SNTB1: variants seen among roughly 807,000 people sequenced by gnomAD.
SNTB1 encodes syntrophin beta 1, also known as beta-1-syntrophin.
Under a neutral mutation model 48.9 loss-of-function variants are expected in SNTB1, and 36 were observed. The observed-to-expected ratio is 0.74, with a 90% CI of 0.56 to 0.97. SNTB1 has a LOEUF of 0.97. Among genes scored for constraint, SNTB1 ranks in the 50% least tolerant of loss-of-function variants. The pLI, the probability that SNTB1 is intolerant of heterozygous loss-of-function variation, is 0.00. For synonymous variants in SNTB1, 299 were observed against 294.6 expected, an observed-to-expected ratio of 1.01 and a Z score of -0.15; for missense variants, 786 against 703.4, an observed-to-expected ratio of 1.12 and a Z score of -1.33.
intron 2 of SNTB1, among the ~76,000 whole-genome samples, chr8:120,643,726 G>A (rs1261764222): frequency 6.6e-6 from 1 of 152,166 alleles, no homozygotes; most frequent in Non-Finnish European, 1.5e-5. Flanking sequence ...CTATAAACAT[G>A]AATGTGAAAG....
At chr8:120,665,734 T>C (rs1366222217) in intron 2 of SNTB1, among the ~76,000 whole-genome samples, 3 of 152,220 alleles carry the variant, frequency 2.0e-5, no homozygotes, top group Non-Finnish European at 4.4e-5. Context: ...TTTGAAGGAA[T>C]TTTTGTATAC....
intron 3 of SNTB1, among the ~76,000 whole-genome samples, chr8:120,580,983 A>G (rs1816038544): frequency 6.6e-6 from 1 of 151,378 alleles, no homozygotes; most frequent in Admixed American, 6.6e-5. Context: ...CAGCTACTTG[A>G]GAGGCTGAGG....
At chr8:120,767,567 T>C (rs1228438103) in intron 1 of SNTB1, among the ~76,000 whole-genome samples, 1 of 152,204 alleles carries the variant, frequency 6.6e-6, no homozygotes, top group African/African-American at 2.4e-5. Context: ...GAACATAGGC[T>C]CTACAGCCAG....
intron 1 of SNTB1, among the ~76,000 whole-genome samples, chr8:120,705,483 A>G (rs929747774): frequency 6.6e-6 from 1 of 152,224 alleles, no homozygotes; most frequent in Non-Finnish European, 1.5e-5. Flanking sequence ...TGATCAGTGA[A>G]TACAATCAAC....
chr8:120,752,145 C>T (rs1819228826), intron 1 of SNTB1, among the ~76,000 whole-genome samples: 2 of 152,050 alleles, frequency 1.3e-5, no homozygotes, highest in South Asian at 4.2e-4. Flanking sequence ...AAGAGAAGGG[C>T]AGGTGTATGT....
chr8:120,764,343 G>T (rs1173809607), intron 1 of SNTB1, among the ~76,000 whole-genome samples: 1 of 152,148 alleles, frequency 6.6e-6, no homozygotes, highest in African/African-American at 2.4e-5. Context: ...GTGCAGAGAA[G>T]TATGTCTGAT....
At chr8:120,726,921 G>A (rs1818765452) in intron 1 of SNTB1, among the ~76,000 whole-genome samples, 2 of 152,176 alleles carry the variant, frequency 1.3e-5, no homozygotes, top group African/African-American at 2.4e-5. Flanking sequence ...AATCTGCAGT[G>A]CTCCTCTTCA....
At chr8:120,594,051 G>A (rs528733573) in intron 3 of SNTB1, among the ~76,000 whole-genome samples, 1 of 143,348 alleles carries the variant, frequency 7.0e-6, no homozygotes, top group South Asian at 2.3e-4. Context: ...CTCAGTACAT[G>A]TCTTTATTTA....
In SNTB1 at chr8:120,803,370, T is replaced by A. The variant is rs867451973; in HGVS notation, c.571+7903A>T. Among the ~76,000 whole-genome samples the A allele has an allele frequency of 3.3e-4, 51 of 152,276 alleles. No individual in the cohort carries two copies. In the Middle Eastern group the frequency reaches 0.02, roughly 61 times the overall value. ...ATATATTTTTGTCTTAAGTCTTAACTCTGCAGGCCAGAGCTAAAGGCAAGC... is the reference window on the plus strand; with the variant it reads ...ATATATTTTTGTCTTAAGTCTTAACACTGCAGGCCAGAGCTAAAGGCAAGC... On this transcript the variant is annotated intron_variant, in intron 1 of 6. Transcript: ENST00000517992.
intron 2 of SNTB1, among the ~76,000 whole-genome samples, chr8:120,648,450 T>C (rs1245297495): frequency 6.6e-6 from 1 of 151,362 alleles, no homozygotes; most frequent in Non-Finnish European, 1.5e-5. Context: ...GGATATGAAA[T>C]TCTGGGTTGA....
chr8:120,670,168 T>A (rs1032416326), intron 2 of SNTB1, among the ~76,000 whole-genome samples: 1 of 152,198 alleles, frequency 6.6e-6, no homozygotes, highest in Non-Finnish European at 1.5e-5. Flanking sequence ...TGCTTCAGCA[T>A]GGATAACAAG....
At chr8:120,543,571 T>C (rs1815327754) in intron 5 of SNTB1, among the ~76,000 whole-genome samples, 3 of 152,138 alleles carry the variant, frequency 2.0e-5, no homozygotes, top group Non-Finnish European at 4.4e-5. Context: ...CTGTCCTGTG[T>C]CCCTTCTCAT....
At chr8:120,721,488 C>T (rs1312422138) in intron 1 of SNTB1, among the ~76,000 whole-genome samples, 1 of 152,192 alleles carries the variant, frequency 6.6e-6, no homozygotes, top group African/African-American at 2.4e-5. Context: ...CATAAAACTT[C>T]AACTGTTATC....
intron 1 of SNTB1, among the ~76,000 whole-genome samples, chr8:120,789,909 C>T (rs1307171675): frequency 6.6e-6 from 1 of 151,698 alleles, no homozygotes; most frequent in African/African-American, 2.4e-5. Flanking sequence ...ACCCTGATAC[C>T]AAAACCAGGA....
intron 1 of SNTB1, among the ~76,000 whole-genome samples, chr8:120,810,550 A>G (rs965631761): frequency 3.5e-4 from 53 of 152,152 alleles, no homozygotes; most frequent in African/African-American, 1.2e-3. Flanking sequence ...CAGAAAAATC[A>G]CTTCACCAGC....
chr8:120,613,706 T>G (rs539576061), intron 3 of SNTB1, among the ~76,000 whole-genome samples: 1 of 152,364 alleles, frequency 6.6e-6, no homozygotes, highest in South Asian at 2.1e-4. Flanking sequence ...GGATAAAATG[T>G]AGAATTACCA....
chr8:120,659,675 T>A (rs1325791663), intron 2 of SNTB1, among the ~76,000 whole-genome samples: 1 of 152,236 alleles, frequency 6.6e-6, no homozygotes, highest in Admixed American at 6.5e-5. Flanking sequence ...TTACTATCTA[T>A]GGCAGCTATA....
At chr8:120,685,757 C>A (rs939904327) in intron 2 of SNTB1, among the ~76,000 whole-genome samples, 2 of 152,174 alleles carry the variant, frequency 1.3e-5, no homozygotes, top group Non-Finnish European at 2.9e-5. Flanking sequence ...TGTTGCATCT[C>A]TTTTGATTAT....
chr8:120,547,166 G>A (rs911471418), intron 5 of SNTB1, among the ~76,000 whole-genome samples: 7 of 152,276 alleles, frequency 4.6e-5, no homozygotes, highest in Non-Finnish European at 1.0e-4. Flanking sequence ...CACACATGGG[G>A]TACACACACA....
Sources: gnomAD v4.1 joint callset for allele counts (sites outside exome capture counted in the v4.1 genomes callset) on GRCh38, gnomAD v4.1.1 for gene constraint, MANE v1.5 for transcripts, NCBI Gene and HGNC (gene_info 2026-07-23, HGNC 2026-07-21) for gene names.